Variants in UVRAG observed in about 807,000 individuals in gnomAD.
UVRAG encodes UV radiation resistance-associated gene protein.
A neutral mutation model predicts 78.0 loss-of-function variants in UVRAG; 19 were observed. That is an observed-to-expected ratio of 0.24 (90% confidence interval 0.17 to 0.36). The LOEUF is 0.36. UVRAG is among the 10% of genes least tolerant of loss of function. The pLI, the probability that UVRAG is intolerant of heterozygous loss-of-function variation, is 1.00. For synonymous variants in UVRAG, 323 were observed against 324.6 expected (o/e 1.00, Z 0.05); for missense variants, 740 against 853.8 (o/e 0.87, Z 1.66).
intron 6 of UVRAG, among the ~76,000 whole-genome samples, chr11:75,917,150 G>A (rs898928747): frequency 6.6e-6 from 1 of 152,208 alleles, no homozygotes; most frequent in Non-Finnish European, 1.5e-5. Context: ...TCCTCCCGTA[G>A]TTAGCTTGGC....
chr11:76,001,155 C>T (rs1420561515), intron 8 of UVRAG, among the ~76,000 whole-genome samples: 3 of 152,100 alleles, frequency 2.0e-5, no homozygotes, highest in Non-Finnish European at 4.4e-5. Context: ...CTCACCAAAA[C>T]AGAGTAAACT....
At chr11:75,992,142 G>A (rs1949619917) in intron 8 of UVRAG, among the ~76,000 whole-genome samples, 1 of 152,144 alleles carries the variant, frequency 6.6e-6, no homozygotes, top group African/African-American at 2.4e-5. Flanking sequence ...AAAGCCACAT[G>A]CATAGCAAGT....
At chr11:75,826,961 C>T (rs1945524503) in intron 1 of UVRAG, among the ~76,000 whole-genome samples, 1 of 152,174 alleles carries the variant, frequency 6.6e-6, no homozygotes. Context: ...ACTTTGGAGT[C>T]TCACTTTGTT....
intron 6 of UVRAG, among the ~76,000 whole-genome samples, chr11:75,939,089 G>C (rs1948434282): frequency 6.6e-6 from 1 of 151,676 alleles, no homozygotes; most frequent in Non-Finnish European, 1.5e-5. Context: ...TGTTTTCCTA[G>C]GGTTTTTTTT....
At chr11:75,853,756 A>ATTTG (rs1161226130) in intron 2 of UVRAG, among the ~76,000 whole-genome samples, 233 of 144,774 alleles carry the variant, frequency 1.6e-3, no homozygotes, top group Admixed American at 3.6e-3. Flanking sequence ...TTATTTATTT[A>ATTTG]TTTGTTTATT....
chr11:75,993,035 A>G lies in UVRAG; in HGVS notation c.826+9522A>G, dbSNP rs138697285. On this transcript the variant is annotated intron_variant, in intron 8 of 14. Coordinates refer to ENST00000356136, the MANE Select transcript of UVRAG (RefSeq NM_003369.4). ...AGCTCAGTTAGGATATAAAGTCAGT[A>G]CTATATCATATTTAATTGTGACTTT... 3.7e-3 allele frequency among the ~76,000 whole-genome samples: 558 copies of G among 152,334 alleles called. 3 individuals are homozygous for G. Among genetic ancestry groups the G allele is most frequent in the Non-Finnish European group, 6.2e-3 (420 of 68,034 alleles).
chr11:76,000,374 A>T (rs1185616054), intron 8 of UVRAG, among the ~76,000 whole-genome samples: 1 of 152,180 alleles, frequency 6.6e-6, no homozygotes, highest in Non-Finnish European at 1.5e-5. Flanking sequence ...AGGCCAAAGC[A>T]GGAGGATTGC....
chr11:75,874,468 G>A (rs368052207), intron 3 of UVRAG, among the ~76,000 whole-genome samples: 1 of 152,130 alleles, frequency 6.6e-6, no homozygotes, highest in Admixed American at 6.5e-5. Flanking sequence ...CTTTTTGGTT[G>A]TATATACAAT....
At chr11:75,995,102 T>C (rs545878295) in intron 8 of UVRAG, among the ~76,000 whole-genome samples, 1 of 152,292 alleles carries the variant, frequency 6.6e-6, no homozygotes, top group East Asian at 1.9e-4. Context: ...TCTGTTCACC[T>C]TTTTTAATGC....
chr11:75,986,692 T>C (rs1949507364), intron 8 of UVRAG, among the ~76,000 whole-genome samples: 1 of 152,116 alleles, frequency 6.6e-6, no homozygotes, highest in Non-Finnish European at 1.5e-5. Context: ...ATTCACAGAG[T>C]TGTGCAGTGA....
At chr11:75,956,479 G>A (rs142026209) in intron 6 of UVRAG, among the ~76,000 whole-genome samples, 2,956 of 150,022 alleles carry the variant, frequency 0.02, 34 homozygotes, top group Non-Finnish European at 0.032. Context: ...TCTGCTTCCC[G>A]GGTTCAAGCG....
chr11:75,979,619 T>G (rs189145784), intron 7 of UVRAG: 13 of 155,782 alleles, frequency 8.3e-5, no homozygotes, highest in African/African-American at 2.4e-4. Context: ...TGCAGTTTGA[T>G]CTCAGACTGC....
chr11:75,855,740 C>T (rs1050967310), intron 2 of UVRAG, among the ~76,000 whole-genome samples: 14 of 152,072 alleles, frequency 9.2e-5, no homozygotes, highest in East Asian at 1.9e-4. Flanking sequence ...GAAGAATATC[C>T]GAAATGCTGG....
At chr11:76,132,302 CT>C (rs200701454) in intron 14 of UVRAG, among the ~76,000 whole-genome samples, 2 of 151,280 alleles carry the variant, frequency 1.3e-5, no homozygotes, top group Non-Finnish European at 3.0e-5. Flanking sequence ...GTTTAAAAGT[CT>C]TTTTTTTTCT....
At chr11:76,140,614 C>T (rs967528921) in intron 14 of UVRAG, 97 bp from the exon 15 acceptor site, 3 of 1,205,508 alleles carry the variant, frequency 2.5e-6, no homozygotes, top group Admixed American at 2.5e-5. Flanking sequence ...TTTTTATTAG[C>T]TCAGACCTAA....
chr11:75,913,085 GACAC>G (rs1244915728), intron 6 of UVRAG, among the ~76,000 whole-genome samples: 2 of 152,154 alleles, frequency 1.3e-5, no homozygotes, highest in Non-Finnish European at 2.9e-5. Flanking sequence ...TTCAGTTTGA[GACAC>G]ACAAAGTTTT....
At chr11:76,012,839 GTGTGTGTGTT>G (rs1950078736) in intron 11 of UVRAG, 2 of 145,290 alleles carry the variant, frequency 1.4e-5, no homozygotes, top group South Asian at 2.3e-4. Context: ...GTGTGTGTGT[GTGTGTGTGTT>G]TAAGTAATCC....
At chr11:76,098,011 A>C (rs777070001) in intron 13 of UVRAG, among the ~76,000 whole-genome samples, 3 of 142,404 alleles carry the variant, frequency 2.1e-5, no homozygotes, top group Non-Finnish European at 4.7e-5. Flanking sequence ...TATCTTCAAA[A>C]CGCTGTGGAT....
intron 13 of UVRAG, among the ~76,000 whole-genome samples, chr11:76,092,256 G>C (rs1477644630): frequency 1.3e-5 from 2 of 152,128 alleles, no homozygotes; most frequent in East Asian, 3.8e-4. Flanking sequence ...ATTTGGGTTG[G>C]TTCCAAGTCT....
Sources: allele counts gnomAD v4.1 joint callset (sites outside exome capture counted in the v4.1 genomes callset), GRCh38; gene constraint gnomAD v4.1.1; transcripts MANE v1.5; gene names NCBI Gene and HGNC (gene_info 2026-07-23, HGNC 2026-07-21).